Variants in LINGO2 observed in about 807,000 individuals in gnomAD.
The protein encoded by LINGO2 is leucine rich repeat and Ig domain containing 2.
A neutral mutation model predicts 30.6 loss-of-function variants in LINGO2; 14 were observed. That is an observed-to-expected ratio of 0.46 (90% CI 0.30 to 0.72). The LOEUF (loss-of-function observed/expected upper bound fraction) is 0.72, where lower values mean the gene tolerates loss of function less well. LINGO2 is among the 30% of genes least tolerant of loss of function. LINGO2 has a pLI of 0.07. For synonymous variants in LINGO2, 317 were observed against 288.5 expected (o/e 1.10, Z -1.00); for missense variants, 729 against 751.7 (o/e 0.97, Z 0.35).
chr9:29,016,820 A>T, the LINGO2 span, among the ~76,000 whole-genome samples: 2 of 152,164 alleles, frequency 1.3e-5, no homozygotes, highest in Admixed American at 1.3e-4. Context: ...TAATAGCCAA[A>T]AACTCAACGA....
At chr9:28,917,503 A>G in the LINGO2 span, among the ~76,000 whole-genome samples, 1 of 151,208 alleles carries the variant, frequency 6.6e-6, no homozygotes, top group Non-Finnish European at 1.5e-5. Context: ...CCCAGGCTGG[A>G]GTGCAGTTGT....
intron 3 of LINGO2, among the ~76,000 whole-genome samples, chr9:28,315,758 C>T (rs1824821404): frequency 6.6e-6 from 1 of 152,142 alleles, no homozygotes; most frequent in African/African-American, 2.4e-5. Context: ...ACCAGAACTT[C>T]ATTTATATAC....
chr9:28,967,085 G>A, the LINGO2 span, among the ~76,000 whole-genome samples: 2 of 152,056 alleles, frequency 1.3e-5, no homozygotes, highest in South Asian at 2.1e-4. Context: ...GCAAGCTGTG[G>A]GACTAGACTG....
intron 2 of LINGO2, among the ~76,000 whole-genome samples, chr9:28,397,372 T>TACAC (rs372603505): frequency 2.3e-5 from 3 of 128,762 alleles, no homozygotes; most frequent in African/African-American, 8.1e-5. Flanking sequence ...TATATATATA[T>TACAC]ACATATATAT....
intron 1 of LINGO2, among the ~76,000 whole-genome samples, chr9:28,577,473 T>C (rs1261210745): frequency 6.6e-6 from 1 of 152,010 alleles, no homozygotes; most frequent in Non-Finnish European, 1.5e-5. Flanking sequence ...CAGCAACCAT[T>C]CCCTAACCCA....
intron 1 of LINGO2, among the ~76,000 whole-genome samples, chr9:28,644,163 A>G (rs1293915185): frequency 1.3e-5 from 2 of 152,200 alleles, no homozygotes; most frequent in East Asian, 1.9e-4. Flanking sequence ...CTAAAACCAT[A>G]TGATACAGCA....
At chr9:28,164,646 AAT>A (rs1828377764) in intron 4 of LINGO2, among the ~76,000 whole-genome samples, 1 of 152,168 alleles carries the variant, frequency 6.6e-6, no homozygotes, top group Admixed American at 6.5e-5. Flanking sequence ...GATATCAGGC[AAT>A]CTGAAAAGTC....
At chr9:28,463,521 A>T (rs923243669) in intron 2 of LINGO2, among the ~76,000 whole-genome samples, 24 of 152,220 alleles carry the variant, frequency 1.6e-4, no homozygotes, top group Non-Finnish European at 3.2e-4. Context: ...AAGATCAAGT[A>T]ATGTAAATTA....
At chr9:28,328,657 G>A (rs1260042642) in intron 3 of LINGO2, among the ~76,000 whole-genome samples, 1 of 151,870 alleles carries the variant, frequency 6.6e-6, no homozygotes, top group East Asian at 1.9e-4. Context: ...AAGGCACTAA[G>A]CAAAACATTA....
chr9:27,990,509 G>A (rs1369860271), intron 5 of LINGO2, among the ~76,000 whole-genome samples: 6 of 139,244 alleles, frequency 4.3e-5, no homozygotes, highest in Non-Finnish European at 9.2e-5. Context: ...TTTACCCATC[G>A]AAGCTTCCAG....
chr9:28,209,095 T>A (rs1304676339), intron 4 of LINGO2, among the ~76,000 whole-genome samples: 1 of 152,034 alleles, frequency 6.6e-6, no homozygotes, highest in Non-Finnish European at 1.5e-5. Context: ...TAAGCTTATG[T>A]AATCTTGAAA....
intron 4 of LINGO2, among the ~76,000 whole-genome samples, chr9:28,069,210 G>T (rs1437120238): frequency 6.6e-6 from 1 of 152,142 alleles, no homozygotes; most frequent in Non-Finnish European, 1.5e-5. Flanking sequence ...GAAAGAAAAA[G>T]AGAGATTAAG....
chr9:28,161,213 A>T (rs1828275244), intron 4 of LINGO2, among the ~76,000 whole-genome samples: 1 of 152,114 alleles, frequency 6.6e-6, no homozygotes, highest in Non-Finnish European at 1.5e-5. Context: ...GGTCAGTAAG[A>T]TTTCTCAAGA....
intron 4 of LINGO2, among the ~76,000 whole-genome samples, chr9:28,102,779 T>G (rs1042284198): frequency 1.3e-5 from 2 of 152,158 alleles, no homozygotes; most frequent in Non-Finnish European, 2.9e-5. Flanking sequence ...AAGCCTTTAT[T>G]CACAATAGCT....
chr9:28,507,302 G>A (rs999716826), intron 1 of LINGO2, among the ~76,000 whole-genome samples: 1 of 151,816 alleles, frequency 6.6e-6, no homozygotes, highest in Non-Finnish European at 1.5e-5. Context: ...CTGTAACTAT[G>A]TTATATCCTT....
At chr9:28,956,579 C>G in the LINGO2 span, among the ~76,000 whole-genome samples, 1 of 73,726 alleles carries the variant, frequency 1.4e-5, no homozygotes, top group African/African-American at 4.0e-5. Context: ...TTCCTCCATC[C>G]CTCCCTCCCC....
At chr9:28,816,123 C>T in the LINGO2 span, among the ~76,000 whole-genome samples, 121,125 of 152,068 alleles carry the variant, frequency 0.8, 48,246 homozygotes, top group East Asian at 0.9. Flanking sequence ...ATAACTAACC[C>T]ACTCCCAAGA....
the LINGO2 span, among the ~76,000 whole-genome samples, chr9:28,733,548 T>A: frequency 6.6e-6 from 1 of 152,192 alleles, no homozygotes; most frequent in Non-Finnish European, 1.5e-5. Flanking sequence ...CTTGTCCATC[T>A]GCTCTACCCT....
chr9:28,434,018 CA>C (rs1823810693), intron 2 of LINGO2, among the ~76,000 whole-genome samples: 1 of 148,682 alleles, frequency 6.7e-6, no homozygotes, highest in African/African-American at 2.5e-5. Flanking sequence ...ACTACTCATC[CA>C]AAAAAAGGAA....
Sources: gnomAD v4.1 joint callset for allele counts (sites outside exome capture counted in the v4.1 genomes callset) on GRCh38, gnomAD v4.1.1 for gene constraint, MANE v1.5 for transcripts, NCBI Gene and HGNC (gene_info 2026-07-23, HGNC 2026-07-21) for gene names.